Variants in GABRQ observed in about 807,000 individuals in gnomAD.
GABRQ encodes gamma-aminobutyric acid receptor subunit theta.
Under a neutral mutation model 30.5 loss-of-function variants are expected in GABRQ, and 19 were observed. The observed-to-expected ratio is 0.62, with a 90% CI of 0.43 to 0.91. The LOEUF (loss-of-function observed/expected upper bound fraction) is 0.91. Among genes scored for constraint, GABRQ ranks in the 40% least tolerant of loss-of-function variants. The pLI is 0.00. For missense variants in GABRQ, 520 were observed against 521.4 expected, an observed-to-expected ratio of 1.00 and a Z score of 0.03; for synonymous variants, 187 against 210.2, an observed-to-expected ratio of 0.89 and a Z score of 0.95.
At position 152,646,993 on chromosome X, in the gene GABRQ, C is replaced by T. The variant is rs782736275; in HGVS notation, c.352C>T (p.Arg118Cys). 2.2e-5 allele frequency: 26 copies of T among 1,205,717 alleles called. No individual in the cohort carries two copies. The highest frequency in any genetic ancestry group is 2.2e-5 in the Admixed American group (1 of 45,795). ...MFFHQTWKDS[R>C]LAYYETTLNL... Reference sequence around the variant, plus strand: ...TTTTCATCAGACTTGGAAAGATTCACGCTTAGCATACTATGAGACCACCCT... The same window carrying T: ...TTTTCATCAGACTTGGAAAGATTCATGCTTAGCATACTATGAGACCACCCT... The change falls in exon 4 of 9, where the codon CGC becomes TGC. Residue 118 changes from arginine to cysteine, a missense_variant. Transcript: ENST00000598523.
rs1556820455 is a variant in GABRQ, at chrX:152,652,689, C to T, written c.1307C>T (p.Thr436Ile). ...LATSESLSPL[T>I]SLSGQAPLAT... Reference sequence around the variant, plus strand: ...ACCTCGGAAAGCCTCAGCCCACTCACTTCTCTCTCAGGCCAGGCCCCCCTG... The same window carrying T: ...ACCTCGGAAAGCCTCAGCCCACTCATTTCTCTCTCAGGCCAGGCCCCCCTG... Residue 436 changes from threonine to isoleucine, a missense_variant, in exon 9 of 9, where the codon ACT becomes ATT. Coordinates refer to ENST00000598523, the MANE Select transcript of GABRQ (RefSeq NM_018558.4). The T allele has an allele frequency of 8.3e-7, 1 of 1,211,991 alleles. No individual in the cohort carries two copies. Among genetic ancestry groups the T allele is most frequent in the African/African-American group, 1.7e-5 (1 of 57,945 alleles).
rs782011351 is a variant in GABRQ at position 152,638,374 on chromosome X, G to C, written c.149+23G>C. On this transcript the variant is annotated intron_variant, in intron 1 of 8. Transcript: ENST00000598523. ...CTGGTAAGCGGGCACCGCCAGGCTAGGCACGGCGGGGACGGGAATGGAGAC... is the reference window on the plus strand; with the variant it reads ...CTGGTAAGCGGGCACCGCCAGGCTACGCACGGCGGGGACGGGAATGGAGAC... 4.6e-5 allele frequency: 55 copies of C among 1,198,517 alleles called. 1 individual carries two copies. In the South Asian group the frequency reaches 8.6e-4, roughly 19 times the overall value.
intron 8 of GABRQ, 65 bp from the exon 9 acceptor site, chrX:152,652,476 T>A: frequency 1.3e-5 from 12 of 902,729 alleles, no homozygotes; most frequent in Non-Finnish European, 1.9e-5. Flanking sequence ...CCCTCCTCCC[T>A]CCCCCCAGTG....
chrX:152,647,713 G>C (rs1305363611), intron 4 of GABRQ, among the ~76,000 whole-genome samples: 2 of 111,076 alleles, frequency 1.8e-5, no homozygotes, highest in Non-Finnish European at 3.8e-5. Flanking sequence ...TGGGTCTCTG[G>C]TCTATGGCTC....
chrX:152,639,168 T>A (rs1297499368), intron 1 of GABRQ, among the ~76,000 whole-genome samples: 2 of 110,117 alleles, frequency 1.8e-5, no homozygotes, highest in Non-Finnish European at 3.8e-5. Context: ...TGGGAATAAT[T>A]CATGTGCACA....
chrX:152,650,283 C>T, intron 6 of GABRQ, 145 bp from the exon 7 acceptor site: 1 of 505,646 alleles, frequency 2.0e-6, no homozygotes, highest in East Asian at 3.3e-5. Context: ...TCTGCTAGTG[C>T]AGTCTGCCCA....
chrX:152,658,681 G>GCCT (rs1931193714), downstream of GABRQ, among the ~76,000 whole-genome samples: 2 of 112,039 alleles, frequency 1.8e-5, no homozygotes, highest in Admixed American at 9.4e-5. Flanking sequence ...AAGTAACAAT[G>GCCT]CCTCCAATAG....
rs1556820645 is a variant in GABRQ at position 152,653,141 on chromosome X, G to C, written c.1759G>C (p.Gly587Arg). 5.0e-6 allele frequency: 6 copies of C among 1,211,566 alleles called. No homozygotes were observed. Among genetic ancestry groups the C allele is most frequent in the East Asian group, 5.9e-5 (2 of 33,842 alleles). The change falls in exon 9 of 9, where the codon GGG (glycine) becomes CGG (arginine). Residue 587 changes from glycine to arginine, a missense_variant. Gly to Arg is a moderately radical substitution (Grantham distance 125). Transcript: ENST00000598523. ...ESEDSCPPSP[G>R]CSFTEGFSFD... ...TGAGGATAGTTGCCCCCCAAGCCCT[G>C]GGTGCTCCTTCACTGAAGGGTTCTC... is the stretch of plus-strand genomic sequence containing the variant.
intron 2 of GABRQ, among the ~76,000 whole-genome samples, chrX:152,641,271 C>T (rs1482248265): frequency 1.8e-5 from 2 of 112,494 alleles, no homozygotes; most frequent in South Asian, 3.7e-4. Flanking sequence ...GCAGCATTCT[C>T]TAGCCCAGGG....
At position 152,653,082 on chromosome X, in the gene GABRQ, C is replaced by A. The variant is rs1245947122; in HGVS notation, c.1700C>A (p.Ala567Asp). The A allele has an allele frequency of 7.4e-6, 9 of 1,208,063 alleles. No individual in the cohort carries two copies. Among genetic ancestry groups the A allele is most frequent in the Non-Finnish European group, 1.0e-5 (9 of 893,047 alleles). ...TWGLNDDELMAHGQEKDSSSE... is the reference protein window; with the variant it reads ...TWGLNDDELMDHGQEKDSSSE... Reference sequence around the variant, plus strand: ...GGCCTTAATGATGATGAGCTCATGGCCCATGGCCAAGAGAAGGACAGTAGC... The same window carrying A: ...GGCCTTAATGATGATGAGCTCATGGACCATGGCCAAGAGAAGGACAGTAGC... Residue 567 changes from alanine (A) to aspartate (D), a missense_variant, in exon 9 of 9, where the codon GCC (alanine) becomes GAC (aspartate). Ala to Asp is a moderately radical substitution (Grantham distance 126). Coordinates refer to ENST00000598523, the MANE Select transcript of GABRQ (RefSeq NM_018558.4).
At chrX:152,640,820 C>T (rs1556818310) in intron 2 of GABRQ, among the ~76,000 whole-genome samples, 3 of 111,471 alleles carry the variant, frequency 2.7e-5, no homozygotes. Context: ...CCTGGGAGGA[C>T]ACATATTCTT....
intron 2 of GABRQ, among the ~76,000 whole-genome samples, chrX:152,645,145 A>G (rs1930858449): frequency 8.9e-6 from 1 of 111,779 alleles, no homozygotes; most frequent in South Asian, 3.7e-4. Flanking sequence ...TCCCACAAAC[A>G]CACACATTCA....
Position 152,649,888 on chromosome X carries a change from G to A in GABRQ, c.748+9G>A, listed in dbSNP as rs377186491. 2.9e-4 allele frequency: 338 copies of A among 1,182,091 alleles called. No individual in the cohort carries two copies. Among genetic ancestry groups the A allele is most frequent in the Non-Finnish European group, 3.7e-4 (319 of 872,017 alleles). ...GGTGTATTTCTACACAGGTGGGTCT[G>A]ACCCCTTCCTTCTCTCCTGTCTCAT... On this transcript the variant is annotated intron_variant, in intron 6 of 8. Coordinates refer to ENST00000598523, the MANE Select transcript of GABRQ (RefSeq NM_018558.4).
downstream of GABRQ, among the ~76,000 whole-genome samples, chrX:152,658,816 CTT>C (rs782100687): frequency 1.3e-3 from 145 of 111,914 alleles, no homozygotes; most frequent in African/African-American, 4.4e-3. Context: ...CAAAAACCCT[CTT>C]GTTACTCTAG....
intron 1 of GABRQ, among the ~76,000 whole-genome samples, chrX:152,639,764 C>T (rs1457990495): frequency 8.9e-6 from 1 of 112,121 alleles, no homozygotes; most frequent in African/African-American, 3.2e-5. Context: ...CAGCAAGGCT[C>T]TCTCTGTGTG....
intron 4 of GABRQ, among the ~76,000 whole-genome samples, chrX:152,648,596 C>T (rs1930945004): frequency 9.0e-6 from 1 of 110,568 alleles, no homozygotes; most frequent in South Asian, 3.9e-4. Context: ...CATCTCCTGA[C>T]CTGATCCGCC....
rs781989319 is a variant in GABRQ, at chrX:152,651,487, CCAT to C, written c.902-36_902-34del. 2.6e-6 allele frequency: 3 copies of C among 1,166,729 alleles called. No individual in the cohort carries two copies. The South Asian group carries it at 5.6e-5, about 22-fold the overall frequency. ...CCTGACAGGTTGCCAAGAACGTTAG[CCAT>C]CAGAGGAGACTAAGTCTGTACTGTG... On this transcript the variant is annotated intron_variant, in intron 7 of 8. Coordinates refer to ENST00000598523, the MANE Select transcript of GABRQ (RefSeq NM_018558.4).
rs951409078 is a variant in GABRQ, at chrX:152,655,943, A to G, written c.*2662A>G. 3.6e-5 allele frequency: 4 copies of G among 112,304 alleles called. No homozygotes were observed. Among genetic ancestry groups the G allele is most frequent in the African/African-American group, 6.5e-5 (2 of 30,869 alleles). 9.3% of individuals were successfully genotyped at this position (112,304 alleles called of 1,213,427 possible). A position where few individuals can be genotyped will look rare whatever the true frequency, so the allele number is the denominator to read the frequency against. ...CAGTTGTAAATATCTCTATAGATCCATATAGCTAGATATAATACTATACCT... is the reference window on the plus strand; with the variant it reads ...CAGTTGTAAATATCTCTATAGATCCGTATAGCTAGATATAATACTATACCT... On this transcript the variant is annotated 3_prime_UTR_variant, in exon 9 of 9. Coordinates refer to ENST00000598523, the MANE Select transcript of GABRQ (RefSeq NM_018558.4).
chrX:152,638,863 G>A (rs1158936720), intron 1 of GABRQ, among the ~76,000 whole-genome samples: 1 of 111,569 alleles, frequency 9.0e-6, no homozygotes, highest in East Asian at 2.8e-4. Flanking sequence ...TTTCCAATGC[G>A]GCAGATAGAA....
Sources: gnomAD v4.1 joint callset for allele counts (sites outside exome capture counted in the v4.1 genomes callset) on GRCh38, gnomAD v4.1.1 for gene constraint, MANE v1.5 for transcripts, NCBI Gene and HGNC (gene_info 2026-07-23, HGNC 2026-07-21) for gene names.